IKZF2: variants seen among roughly 807,000 people sequenced by gnomAD.
IKZF2 encodes zinc finger protein Helios.
Under a neutral mutation model 49.2 loss-of-function variants are expected in IKZF2, and 15 were observed. The ratio of observed to expected loss-of-function variants is 0.30; its 90% CI spans 0.20 to 0.47. The LOEUF (loss-of-function observed/expected upper bound fraction) is 0.47. Among genes scored for constraint, IKZF2 ranks in the 20% least tolerant of loss-of-function variants. The pLI is 1.00. For missense variants in IKZF2, 567 were observed against 664.6 expected, an observed-to-expected ratio of 0.85 and a Z score of 1.61; for synonymous variants, 227 against 221.4, an observed-to-expected ratio of 1.03 and a Z score of -0.23.
At chr2:213,055,487 T>C (rs376953830) in intron 5 of IKZF2, among the ~76,000 whole-genome samples, 26 of 152,234 alleles carry the variant, frequency 1.7e-4, no homozygotes, top group African/African-American at 5.5e-4. Context: ...TGTAATTGAC[T>C]GTATGATTGG....
At chr2:213,122,763 C>G (rs7580022) in intron 4 of IKZF2, among the ~76,000 whole-genome samples, 8,257 of 152,234 alleles carry the variant, frequency 0.054, 740 homozygotes, top group African/African-American at 0.19. Flanking sequence ...AGGTGGATGA[C>G]AAAATCTAGC....
chr2:213,151,764 G>A (rs1193444970), upstream of IKZF2, among the ~76,000 whole-genome samples: 6 of 146,446 alleles, frequency 4.1e-5, no homozygotes, highest in East Asian at 2.0e-4. Context: ...GGCGGGCAGC[G>A]GAGCCCCGGG....
At chr2:213,031,095 G>T (rs1410454985) in intron 6 of IKZF2, among the ~76,000 whole-genome samples, 1 of 152,156 alleles carries the variant, frequency 6.6e-6, no homozygotes. Flanking sequence ...CAAAGTGCTG[G>T]GATTACAGGC....
chr2:213,009,800 A>T (rs1695749722), intron 8 of IKZF2, among the ~76,000 whole-genome samples: 1 of 152,028 alleles, frequency 6.6e-6, no homozygotes, highest in African/African-American at 2.4e-5. Flanking sequence ...TCTTGAAGGA[A>T]ATGGAATCAA....
rs1462043807 is a variant in IKZF2, at chr2:213,150,805, A to T, written c.-119-558T>A. On this transcript the variant is annotated intron_variant, in intron 1 of 8. Transcript: ENST00000434687. Reference sequence around the variant, plus strand: ...TTTTGGCCCTTGGCAAAAAAGAAAAAAAATAAATAAATCTTAATTCCATCT... The same window carrying T: ...TTTTGGCCCTTGGCAAAAAAGAAAATAAATAAATAAATCTTAATTCCATCT... 2.0e-5 allele frequency among the ~76,000 whole-genome samples: 3 copies of T among 152,042 alleles called. 1 individual carries two copies. Among genetic ancestry groups the T allele is most frequent in the Admixed American group, 2.0e-4 (3 of 15,266 alleles).
chr2:213,017,049 A>G (rs1273026321), intron 7 of IKZF2: 1 of 152,188 alleles, frequency 6.6e-6, no homozygotes, highest in Non-Finnish European at 1.5e-5. Context: ...CCCGATCTAA[A>G]AAAAAAACTT....
intron 8 of IKZF2, among the ~76,000 whole-genome samples, chr2:213,009,102 CAT>C (rs1695659947): frequency 6.6e-6 from 1 of 151,994 alleles, no homozygotes; most frequent in Non-Finnish European, 1.5e-5. Context: ...CTTATTTAGA[CAT>C]GTGTATGTGA....
At chr2:213,061,616 C>A (rs1006260618) in intron 4 of IKZF2, among the ~76,000 whole-genome samples, 1 of 151,348 alleles carries the variant, frequency 6.6e-6, no homozygotes, top group East Asian at 1.9e-4. Context: ...TCTACCTTAG[C>A]CAATAAAGAA....
intron 4 of IKZF2, among the ~76,000 whole-genome samples, chr2:213,088,931 G>A (rs1343737086): frequency 1.3e-5 from 2 of 152,144 alleles, no homozygotes; most frequent in Admixed American, 6.5e-5. Context: ...CTATAAGTGA[G>A]GACACTAAGT....
chr2:213,091,692 T>C (rs184814360), intron 4 of IKZF2, among the ~76,000 whole-genome samples: 1 of 152,260 alleles, frequency 6.6e-6, no homozygotes. Context: ...TTATGAAAGA[T>C]GTGGGATCAA....
chr2:213,139,145 T>A (rs540769027), intron 4 of IKZF2, among the ~76,000 whole-genome samples: 4 of 151,966 alleles, frequency 2.6e-5, no homozygotes, highest in African/African-American at 9.6e-5. Context: ...AATGAATGGA[T>A]CTCAGGCCAG....
chr2:213,058,471 T>C (rs1268855984), intron 4 of IKZF2, among the ~76,000 whole-genome samples: 3 of 151,974 alleles, frequency 2.0e-5, no homozygotes, highest in African/African-American at 7.2e-5. Context: ...ATCTTTTTTT[T>C]CCTGGATATA....
chr2:213,043,095 G>T (rs1699822361), intron 6 of IKZF2, among the ~76,000 whole-genome samples: 1 of 151,770 alleles, frequency 6.6e-6, no homozygotes. Context: ...TAAAAACCAA[G>T]ACACTACTTG....
At chr2:213,040,978 C>A (rs1199542429) in intron 6 of IKZF2, among the ~76,000 whole-genome samples, 3 of 151,998 alleles carry the variant, frequency 2.0e-5, no homozygotes, top group Non-Finnish European at 1.5e-5. Context: ...ATTAGTTGGG[C>A]GTGGTGGTGC....
At chr2:213,056,625 T>G in intron 5 of IKZF2, 1 of 693,292 alleles carries the variant, frequency 1.4e-6, no homozygotes, top group Non-Finnish European at 2.6e-6. Flanking sequence ...AATCCCAAAC[T>G]TCTTTTCTGA....
chr2:213,045,928 T>C (rs1700108203), intron 6 of IKZF2, among the ~76,000 whole-genome samples: 2 of 152,190 alleles, frequency 1.3e-5, no homozygotes, highest in African/African-American at 4.8e-5. Context: ...TACCCTGCCA[T>C]GATGAAAGCT....
At chr2:213,047,301 T>A (rs970615361) in intron 6 of IKZF2, among the ~76,000 whole-genome samples, 2 of 152,064 alleles carry the variant, frequency 1.3e-5, no homozygotes, top group Non-Finnish European at 2.9e-5. Flanking sequence ...CCACACAGAA[T>A]CAGCTGGCTA....
intron 4 of IKZF2, among the ~76,000 whole-genome samples, chr2:213,061,927 C>T (rs1329472777): frequency 6.6e-6 from 1 of 151,250 alleles, no homozygotes; most frequent in Admixed American, 6.6e-5. Flanking sequence ...TCTTTAAAAC[C>T]TGGACATTTT....
At chr2:213,136,370 C>CAAAAAAAAA (rs11325415) in intron 4 of IKZF2, among the ~76,000 whole-genome samples, 2 of 53,636 alleles carry the variant, frequency 3.7e-5, no homozygotes, top group Non-Finnish European at 6.8e-5. Context: ...GACACTGTCT[C>CAAAAAAAAA]AAAAAAAAAA....
Sources: gnomAD v4.1 joint callset for allele counts (sites outside exome capture counted in the v4.1 genomes callset) on GRCh38, gnomAD v4.1.1 for gene constraint, MANE v1.5 for transcripts, NCBI Gene and HGNC (gene_info 2026-07-23, HGNC 2026-07-21) for gene names.